Variants in ADGRD1 observed in about 807,000 individuals in gnomAD.
ADGRD1 encodes adhesion G protein-coupled receptor D1.
A neutral mutation model predicts 113.4 loss-of-function variants in ADGRD1; 77 were observed. That is an observed-to-expected ratio of 0.68 (90% CI 0.57 to 0.82). ADGRD1 has a LOEUF of 0.82. Ranked by LOEUF, ADGRD1 falls within the 40% of genes least tolerant of loss-of-function variation. The pLI, the probability that ADGRD1 is intolerant of heterozygous loss-of-function variation, is 0.00. For synonymous variants in ADGRD1, 474 were observed against 475.0 expected, an observed-to-expected ratio of 1.00 and a Z score of 0.03; for missense variants, 1,036 against 1,139.1, an observed-to-expected ratio of 0.91 and a Z score of 1.30.
At chr12:131,136,618 C>T (rs1951094486) in intron 22 of ADGRD1, among the ~76,000 whole-genome samples, 1 of 152,254 alleles carries the variant, frequency 6.6e-6, no homozygotes, top group Admixed American at 6.5e-5. Flanking sequence ...CCATCCATGG[C>T]CCTCCCAGCC....
chr12:131,065,707 G>T (rs1347150361), intron 13 of ADGRD1, among the ~76,000 whole-genome samples: 2 of 152,236 alleles, frequency 1.3e-5, no homozygotes, highest in African/African-American at 4.8e-5. Context: ...GTGTTTAAAG[G>T]TGTGATTCCT....
At chr12:130,990,896 C>A in intron 6 of ADGRD1, 118 bp from the exon 7 acceptor site, 1 of 714,636 alleles carries the variant, frequency 1.4e-6, no homozygotes, top group Non-Finnish European at 2.4e-6. Context: ...CTACTCAAAA[C>A]ATTCTCAGAC....
chr12:131,129,341 C>G (rs1950844616), intron 20 of ADGRD1, among the ~76,000 whole-genome samples: 1 of 137,932 alleles, frequency 7.2e-6, no homozygotes, highest in South Asian at 2.5e-4. Flanking sequence ...GCCTGCCCTC[C>G]TGTCTGGGTG....
intron 4 of ADGRD1, chr12:130,978,682 C>T (rs2136574404): frequency 6.6e-6 from 1 of 152,354 alleles, no homozygotes; most frequent in African/African-American, 2.4e-5. Context: ...GGCCTTCGAT[C>T]TACCCTTACC....
intron 15 of ADGRD1, among the ~76,000 whole-genome samples, chr12:131,102,530 C>T (rs564727256): frequency 1.3e-5 from 2 of 152,332 alleles, no homozygotes; most frequent in African/African-American, 4.8e-5. Context: ...CCCTGTTCGC[C>T]CACAGCGTCC....
chr12:131,101,377 C>CTTTCTTTTTTTTTTT (rs1950076237), intron 15 of ADGRD1, among the ~76,000 whole-genome samples: 3 of 36,150 alleles, frequency 8.3e-5, no homozygotes, highest in African/African-American at 1.8e-4. Context: ...TTCTTTCTTT[C>CTTTCTTTTTTTTTTT]TTTTTTTTTT....
chr12:131,105,708 T>C, intron 16 of ADGRD1, 46 bp from the exon 17 acceptor site: 1 of 1,473,798 alleles, frequency 6.8e-7, no homozygotes. Flanking sequence ...CCTGGGGGAC[T>C]GGGTCGGCGC....
intron 9 of ADGRD1, among the ~76,000 whole-genome samples, chr12:131,001,771 G>A (rs949124844): frequency 5.3e-5 from 8 of 152,190 alleles, no homozygotes; most frequent in Middle Eastern, 3.2e-3. Flanking sequence ...GGGCAGAGAA[G>A]GGTGAGGAGG....
In ADGRD1 at chr12:131,084,760, C is replaced by T; in HGVS notation, c.1671+97C>T. 4 of 1,335,414 alleles carry T rather than the reference C, an allele frequency of 3.0e-6. No individual in the cohort carries two copies. The highest frequency in any genetic ancestry group is 4.2e-6 in the Non-Finnish European group (4 of 955,964). The allele number at this position is 1,335,414 out of a possible 1,614,324, so 82.7% of individuals were successfully genotyped here. On this transcript the variant is annotated intron_variant, in intron 15 of 24. Transcript: ENST00000261654. The surrounding 1 kb of genome is among the most constrained non-coding windows in gnomAD (Gnocchi z 4.5). ...TGCTTTGCCCGCCAGTGCCCACGGG[C>T]CCTGGGCACATTACTCCATGGGGCC...
intron 6 of ADGRD1, chr12:130,988,500 G>A (rs752350007): frequency 2.6e-5 from 4 of 152,222 alleles, no homozygotes; most frequent in African/African-American, 9.6e-5. Flanking sequence ...GAGTCCCTCA[G>A]TTGTTAGGAC....
intron 15 of ADGRD1, among the ~76,000 whole-genome samples, chr12:131,097,675 G>A (rs1475052157): frequency 6.6e-6 from 1 of 152,326 alleles, no homozygotes; most frequent in Admixed American, 6.5e-5. Context: ...AGGGGCTGAG[G>A]GCTGCCCTGA....
At position 131,104,839 on chromosome 12, in the gene ADGRD1, C is replaced by G; in HGVS notation, c.1680C>G (p.Arg560=). Residue 560 remains arginine, a synonymous_variant, in exon 16 of 25, where the codon CGC becomes CGG. Coordinates refer to ENST00000261654, the MANE Select transcript of ADGRD1 (RefSeq NM_198827.5). ...TGCTCTGCTCCCCGCAGCTTGCACGCGGACACCAGGTGGCGCTGTCGTCTA... is the reference window on the plus strand; with the variant it reads ...TGCTCTGCTCCCCGCAGCTTGCACGGGGACACCAGGTGGCGCTGTCGTCTA... The part of the protein sequence containing the change: ...LMQVVPLELA[R]GHQVALSSIS... The G allele has an allele frequency of 6.5e-7, 1 of 1,547,736 alleles. No homozygotes were observed.
At chr12:130,985,559 G>GT (rs55688458) in intron 5 of ADGRD1, among the ~76,000 whole-genome samples, 115,723 of 150,124 alleles carry the variant, frequency 0.77, 46,131 homozygotes, top group East Asian at 0.94. Flanking sequence ...TTTTTTTTTT[G>GT]TTTTTTTTGA....
At position 131,139,758 on chromosome 12, in the gene ADGRD1, A is replaced by G. The variant is rs1168197883; in HGVS notation, c.*495A>G. On this transcript the variant is annotated 3_prime_UTR_variant, in exon 25 of 25. Coordinates refer to ENST00000261654, the MANE Select transcript of ADGRD1 (RefSeq NM_198827.5). ...GTGGGGAAGAGCATGCGGAGTCCCC[A>G]GTGTCTGAATCCACTGAGTGGTGAG... 6.5e-6 allele frequency: 1 copy of G among 154,532 alleles called. No homozygotes were observed. The highest frequency in any genetic ancestry group is 6.4e-5 in the Admixed American group (1 of 15,548). 9.6% of individuals were successfully genotyped at this position (154,532 alleles called of 1,614,324 possible). A position where few individuals can be genotyped will look rare whatever the true frequency, so the allele number is the denominator to read the frequency against.
intron 13 of ADGRD1, among the ~76,000 whole-genome samples, chr12:131,056,224 G>A (rs932136995): frequency 2.0e-5 from 3 of 152,198 alleles, no homozygotes; most frequent in African/African-American, 7.2e-5. Flanking sequence ...GATCGTAAAC[G>A]CTTTTTCAGA....
At chr12:131,116,974 T>A (rs1309301735) in intron 18 of ADGRD1, among the ~76,000 whole-genome samples, 2 of 152,256 alleles carry the variant, frequency 1.3e-5, no homozygotes. Context: ...CAGAGCCATG[T>A]TTCCAGACAA....
At chr12:130,976,265 C>A (rs943594872) in intron 4 of ADGRD1, among the ~76,000 whole-genome samples, 1 of 152,140 alleles carries the variant, frequency 6.6e-6, no homozygotes, top group Admixed American at 6.5e-5. Context: ...GGCTTGGAGG[C>A]CTGTGGAGCA....
chr12:131,029,217 G>A (rs1271959290), intron 13 of ADGRD1, among the ~76,000 whole-genome samples: 1 of 152,212 alleles, frequency 6.6e-6, no homozygotes, highest in Non-Finnish European at 1.5e-5. Context: ...GCCTGCTGCT[G>A]TAATCTACCA....
At position 131,041,736 on chromosome 12, in the gene ADGRD1, G is replaced by A. The variant is rs751660063; in HGVS notation, c.1473+27396G>A. ...GCAGTTCCCGGGGAACACACTGCACGCTGTTGCCGCAGCCTCCCCCTGCCT... is the reference window on the plus strand; with the variant it reads ...GCAGTTCCCGGGGAACACACTGCACACTGTTGCCGCAGCCTCCCCCTGCCT... On this transcript the variant is annotated intron_variant, in intron 13 of 24. Transcript: ENST00000261654. The surrounding 1 kb of genome is among the most constrained non-coding windows in gnomAD (Gnocchi z 4.4). 3.2e-4 allele frequency among the ~76,000 whole-genome samples: 48 copies of A among 152,190 alleles called. No homozygotes were observed. The highest frequency in any genetic ancestry group is 2.5e-4 in the Non-Finnish European group (17 of 68,038).
Sources: allele counts gnomAD v4.1 joint callset (sites outside exome capture counted in the v4.1 genomes callset), GRCh38; gene constraint gnomAD v4.1.1; non-coding constraint Gnocchi (gnomAD v3.1); transcripts MANE v1.5; gene names NCBI Gene and HGNC (gene_info 2026-07-23, HGNC 2026-07-21).